SHMT2: variants seen among roughly 807,000 people sequenced by gnomAD.
The protein encoded by SHMT2 is serine hydroxymethyltransferase, mitochondrial.
A neutral mutation model predicts 59.6 loss-of-function variants in SHMT2; 38 were observed. The observed-to-expected ratio is 0.64, with a 90% confidence interval of 0.49 to 0.84. The LOEUF is 0.84. Among genes scored for constraint, SHMT2 ranks in the 40% least tolerant of loss-of-function variants. The pLI is 0.00. For synonymous variants in SHMT2, 254 were observed against 258.1 expected (o/e 0.98, Z 0.15); for missense variants, 533 against 659.5 (o/e 0.81, Z 2.10).
At chr12:57,232,096 G>C (rs2037341911) in intron 4 of SHMT2, 115 bp from the exon 5 acceptor site, 3 of 1,149,954 alleles carry the variant, frequency 2.6e-6, no homozygotes, top group Non-Finnish European at 3.9e-6. Flanking sequence ...ACAGAGCAGT[G>C]AGGCGGTGTG....
chr12:57,231,383 A>G, intron 2 of SHMT2, 98 bp from the exon 3 acceptor site: 1 of 1,269,968 alleles, frequency 7.9e-7, no homozygotes, highest in Non-Finnish European at 1.1e-6. Context: ...TTCTGCAGGG[A>G]GTACTCCCGC....
intron 2 of SHMT2, 26 bp downstream of exon 2, chr12:57,231,026 G>A (rs760170328): frequency 2.0e-5 from 32 of 1,609,610 alleles, no homozygotes; most frequent in Non-Finnish European, 2.6e-5. Flanking sequence ...ATGGGCAGGG[G>A]TTGGGCCACC....
rs1266227220 is a variant in SHMT2 at position 57,229,741 on chromosome 12, G to A, written c.-38G>A. 2 of 1,613,990 alleles carry A rather than the reference G, an allele frequency of 1.2e-6. No individual in the cohort carries two copies. Among genetic ancestry groups the A allele is most frequent in the Non-Finnish European group, 1.7e-6 (2 of 1,179,820 alleles). On this transcript the variant is annotated 5_prime_UTR_variant, in exon 1 of 12. Transcript: ENST00000328923. ...TCCGACAGCTTGCTGCCCTAGACCA[G>A]AGTTGGTGGCTGGACCTCCTGCGAC...
intron 11 of SHMT2, 25 bp from the exon 12 acceptor site, chr12:57,234,209 T>C: frequency 2.5e-6 from 4 of 1,611,728 alleles, no homozygotes; most frequent in Non-Finnish European, 2.5e-6. Context: ...CTCTGACCAC[T>C]TGTTTCCTCA....
intron 11 of SHMT2, 54 bp downstream of exon 11, chr12:57,234,164 C>T (rs750378545): frequency 6.2e-7 from 1 of 1,613,528 alleles, no homozygotes; most frequent in East Asian, 2.2e-5. Flanking sequence ...ACTGTCTGCT[C>T]CCTCCCCCAG....
At chr12:57,229,920 G>A (rs1427029855) in intron 1 of SHMT2, 109 bp downstream of exon 1, 4 of 1,533,770 alleles carry the variant, frequency 2.6e-6, no homozygotes, top group Non-Finnish European at 3.5e-6. Flanking sequence ...CATGCACGTG[G>A]ATTGGGGCCT....
In SHMT2 at chr12:57,231,830, G is replaced by T. The variant is rs760516022; in HGVS notation, c.429G>T (p.Gly143=). Residue 143 remains glycine (G), a synonymous_variant, in exon 4 of 12, where the codon GGG becomes GGT. Coordinates refer to ENST00000328923, the MANE Select transcript of SHMT2 (RefSeq NM_005412.6). The part of the protein sequence containing the change: ...QWGVNVQPYS[G]SPANLAVYTA... ...GAGTCAATGTCCAGCCCTACTCCGG[G>T]TCCCCAGCCAACCTGGCCGTCTACA... The T allele has an allele frequency of 1.9e-6, 3 of 1,614,002 alleles. No homozygotes were observed. In the African/African-American group the frequency reaches 4.0e-5, roughly 22 times the overall value.
rs769613549 is a variant in SHMT2 at position 57,229,722 on chromosome 12, A to G, written c.-57A>G. On this transcript the variant is annotated 5_prime_UTR_variant, in exon 1 of 12. Transcript: ENST00000328923. ...GTTCTCCGAACGGTCTTCTTCCGAC[A>G]GCTTGCTGCCCTAGACCAGAGTTGG... is the stretch of plus-strand genomic sequence containing the variant. 13 of 1,610,276 alleles carry G rather than the reference A, an allele frequency of 8.1e-6. No individual in the cohort carries two copies. Among genetic ancestry groups the G allele is most frequent in the South Asian group, 1.1e-5 (1 of 90,972 alleles).
Position 57,232,468 on chromosome 12 carries a change from A to G in SHMT2, c.610A>G (p.Ile204Val). ...PYKLNPKTGL[I>V]DYNQLALTAR... ...GTCTGTCCAGCCCAAAACTGGCCTC[A>G]TTGACTACAACCAGCTGGCACTGAC... The change falls in exon 6 of 12, where the codon ATT becomes GTT. Residue 204 changes from isoleucine (I) to valine (V), a missense_variant. By Grantham distance (29) the Ile-to-Val change is conservative. Transcript: ENST00000328923. 6.2e-7 allele frequency: 1 copy of G among 1,614,158 alleles called. No homozygotes were observed. Among genetic ancestry groups the G allele is most frequent in the Non-Finnish European group, 8.5e-7 (1 of 1,180,020 alleles).
Position 57,232,802 on chromosome 12 carries a change from C to G in SHMT2, c.816C>G (p.Asp272Glu). Reference protein sequence around the residue: ...KVIPSPFKHADIVTTTTHKTL... With the variant: ...KVIPSPFKHAEIVTTTTHKTL... ...TTCCCTCGCCTTTCAAGCACGCGGA[C>G]ATCGTCACCACCACTACTCACAAGA... Residue 272 changes from aspartate to glutamate, a missense_variant, in exon 7 of 12, where the codon GAC becomes GAG. Coordinates refer to ENST00000328923, the MANE Select transcript of SHMT2 (RefSeq NM_005412.6). The G allele has an allele frequency of 6.2e-7, 1 of 1,613,612 alleles. No individual in the cohort carries two copies.
chr12:57,230,194 G>A, intron 1 of SHMT2: 1 of 1,284,482 alleles, frequency 7.8e-7, no homozygotes, highest in South Asian at 1.3e-5. Context: ...TTCACTGCTT[G>A]CATCAGGCAG....
At chr12:57,231,413 AG>A (rs1479611015) in intron 2 of SHMT2, 67 bp from the exon 3 acceptor site, 6 of 1,520,654 alleles carry the variant, frequency 3.9e-6, no homozygotes, top group Non-Finnish European at 5.4e-6. Flanking sequence ...TGGCTCTGGC[AG>A]GGAGGGACTG....
At chr12:57,230,760 G>T (rs1319935114) in intron 1 of SHMT2, 43 bp from the exon 2 acceptor site, 5 of 1,606,984 alleles carry the variant, frequency 3.1e-6, no homozygotes, top group Admixed American at 3.3e-5. Context: ...GAGACGATTT[G>T]TCTGGACTGT....
In SHMT2 at chr12:57,230,912, G is replaced by A. The variant is rs1267305911; in HGVS notation, c.143G>A (p.Ser48Asn). The change falls in exon 2 of 12, where the codon AGC becomes AAC. Residue 48 changes from serine to asparagine, a missense_variant. Transcript: ENST00000328923. ...AACAGGGGCTGGACAGGCCAGGAGA[G>A]CCTGTCGGACAGTGATCCTGAGATG... ...EANRGWTGQE[S>N]LSDSDPEMWE... 1.2e-6 allele frequency: 2 copies of A among 1,614,146 alleles called. No homozygotes were observed. Among genetic ancestry groups the A allele is most frequent in the East Asian group, 2.2e-5 (1 of 44,880 alleles).
chr12:57,232,851 TC>T lies in SHMT2; in HGVS notation c.857+11del. 6.2e-7 allele frequency: 1 copy of T among 1,601,578 alleles called. No individual in the cohort carries two copies. The highest frequency in any genetic ancestry group is 8.5e-7 in the Non-Finnish European group (1 of 1,169,678). On this transcript the variant is annotated intron_variant, in intron 7 of 11. Coordinates refer to ENST00000328923, the MANE Select transcript of SHMT2 (RefSeq NM_005412.6). ...GACTCTTCGAGGGGCCAGGTCAGGC[TC>T]CCTGAGGTCGGGCCTTGCCTTTCCC...
At chr12:57,229,979 G>A in intron 1 of SHMT2, 168 bp downstream of exon 1, 2 of 1,448,100 alleles carry the variant, frequency 1.4e-6, no homozygotes, top group East Asian at 2.5e-5. Flanking sequence ...CTGGGCGCGC[G>A]TGGAGTTAAC....
In SHMT2 at chr12:57,234,392, A is replaced by C. The variant is rs766301585; in HGVS notation, c.*31A>C. On this transcript the variant is annotated 3_prime_UTR_variant, in exon 12 of 12. Coordinates refer to ENST00000328923, the MANE Select transcript of SHMT2 (RefSeq NM_005412.6). ...CCTGGGAAATGAGGCCCACAGACTC[A>C]AAGTTACTCTCCTTCCCCCTACCTG... 1 of 1,547,114 alleles carries C rather than the reference A, an allele frequency of 6.5e-7. No homozygotes were observed. Among genetic ancestry groups the C allele is most frequent in the Non-Finnish European group, 8.7e-7 (1 of 1,147,310 alleles).
intron 2 of SHMT2, 171 bp downstream of exon 2, chr12:57,231,171 G>C (rs2037301164): frequency 2.9e-6 from 2 of 701,126 alleles, no homozygotes; most frequent in Non-Finnish European, 4.8e-6. Flanking sequence ...CCAGTTTATG[G>C]GGTTGGGACA....
chr12:57,231,754 T>A lies in SHMT2; in HGVS notation c.353T>A (p.Leu118Gln). The part of the protein sequence containing the change: ...GAEVVDEIEL[L>Q]CQRRALEAFD... ...GAGGTGGTGGATGAAATTGAGCTGC[T>A]GTGCCAGCGCCGGGCCTTGGAAGCC... is the stretch of plus-strand genomic sequence containing the variant. Residue 118 changes from leucine (L) to glutamine (Q), a missense_variant, in exon 4 of 12, where the codon CTG becomes CAG. By Grantham distance (113) the Leu-to-Gln change is moderately radical. Transcript: ENST00000328923. 1 of 1,614,204 alleles carries A rather than the reference T, an allele frequency of 6.2e-7. No individual in the cohort carries two copies. The highest frequency in any genetic ancestry group is 8.5e-7 in the Non-Finnish European group (1 of 1,180,028).
Sources: allele counts gnomAD v4.1 joint callset, GRCh38; gene constraint gnomAD v4.1.1; transcripts MANE v1.5; gene names NCBI Gene and HGNC (gene_info 2026-07-23, HGNC 2026-07-21).